The following ARHGEF40 variants were observed in gnomAD, a reference collection of about 807,000 sequenced individuals.
ARHGEF40 encodes the protein Rho guanine nucleotide exchange factor (GEF) 40.
A neutral mutation model predicts 165.9 loss-of-function variants in ARHGEF40; 98 were observed. The ratio of observed to expected loss-of-function variants is 0.59; its 90% CI spans 0.50 to 0.70. The LOEUF (loss-of-function observed/expected upper bound fraction) is 0.70, where lower values mean the gene tolerates loss of function less well. ARHGEF40 is among the 30% of genes least tolerant of loss of function. The probability of loss-of-function intolerance (pLI) is 0.00; values close to 1 mark genes in which losing one functional copy is unlikely to be tolerated. For synonymous variants in ARHGEF40, 792 were observed against 814.3 expected (o/e 0.97, Z 0.47); for missense variants, 1,815 against 1,968.0 (o/e 0.92, Z 1.47).
chr14:21,083,822 GTCC>G lies in ARHGEF40; in HGVS notation c.3574-10_3574-8del. 6.2e-7 allele frequency: 1 copy of G among 1,609,030 alleles called. No homozygotes were observed. ...CACCCCTCCCCTCATCCCTGTCTGTGTCCTCAACCTAGGGCTCCATGGAGGCTG... is the reference window on the plus strand; with the variant it reads ...CACCCCTCCCCTCATCCCTGTCTGTGTCAACCTAGGGCTCCATGGAGGCTG... On this transcript the variant is annotated splice_polypyrimidine_tract_variant and intron_variant, in intron 16 of 23. Transcript: ENST00000298694.
chr14:21,063,672 G>T, the ARHGEF40 span, among the ~76,000 whole-genome samples: 1 of 152,200 alleles, frequency 6.6e-6, no homozygotes, highest in African/African-American at 2.4e-5. Flanking sequence ...TCTGCTGGGG[G>T]TCTGCCAATG....
chr14:21,074,442 C>T lies in ARHGEF40; in HGVS notation c.712C>T (p.Pro238Ser). 6.2e-7 allele frequency: 1 copy of T among 1,602,464 alleles called. No individual in the cohort carries two copies. Among genetic ancestry groups the T allele is most frequent in the Non-Finnish European group, 8.5e-7 (1 of 1,175,102 alleles). ...TGGGCACAATGCCCCTGTGGAAGGA[C>T]CTGAGGGCGAGTATGTGGAGCTGTT... ...GDGHNAPVEG[P>S]EGEYVELLEV... Residue 238 changes from proline (P) to serine (S), a missense_variant, in exon 3 of 24, where the codon CCT (proline) becomes TCT (serine). Coordinates refer to ENST00000298694, the MANE Select transcript of ARHGEF40 (RefSeq NM_018071.5). The surrounding 1 kb of genome is among the most constrained non-coding windows in gnomAD (Gnocchi z 4.8).
At chr14:21,087,211 A>C (rs993019620) in intron 20 of ARHGEF40, 106 bp downstream of exon 20, 1 of 1,577,702 alleles carries the variant, frequency 6.3e-7, no homozygotes, top group Non-Finnish European at 8.7e-7. Flanking sequence ...CTCGTCCCCA[A>C]ATCAGTGGGA....
chr14:21,081,281 C>T, intron 13 of ARHGEF40: 1 of 777,516 alleles, frequency 1.3e-6, no homozygotes, highest in Non-Finnish European at 2.0e-6. Flanking sequence ...GCCTGCCACT[C>T]ATAAATGTCG....
rs1477875069 is a variant in ARHGEF40, at chr14:21,070,417, GC to G, written c.3+23del. The G allele has an allele frequency of 3.5e-6, 5 of 1,413,632 alleles. No homozygotes were observed. Among genetic ancestry groups the G allele is most frequent in the Admixed American group, 3.3e-5 (1 of 30,138 alleles). The allele number at this position is 1,413,632 out of a possible 1,614,324, so 87.6% of individuals were successfully genotyped here. ...GAGCCATGGTGAGTCCAGCGTCGCA[GC>G]CCCCTGGGTCCCCTCGGCCTTCGCG... On this transcript the variant is annotated intron_variant, in intron 1 of 23. Transcript: ENST00000298694. The surrounding 1 kb of genome is among the most constrained non-coding windows in gnomAD (Gnocchi z 4.7).
chr14:21,070,149 C>CA (rs1463341347), upstream of ARHGEF40: 1 of 221,698 alleles, frequency 4.5e-6, no homozygotes, highest in Non-Finnish European at 8.7e-6. The surrounding 1 kb of genome is among the most constrained non-coding windows in gnomAD (Gnocchi z 4.7). Context: ...GCGCGGGAGA[C>CA]AGAGTCCCGG....
At chr14:21,071,211 C>T (rs188583967) in intron 1 of ARHGEF40, among the ~76,000 whole-genome samples, 3 of 152,204 alleles carry the variant, frequency 2.0e-5, no homozygotes, top group South Asian at 4.1e-4. Context: ...CTGGAGGGTA[C>T]GCTAAGGAGA....
chr14:21,088,540 G>A lies in ARHGEF40; in HGVS notation c.4519-290G>A, dbSNP rs375086014. Among the ~76,000 whole-genome samples, 318 of 151,636 alleles carry A rather than the reference G, an allele frequency of 2.1e-3. 1 individual carries two copies. Among genetic ancestry groups the A allele is most frequent in the African/African-American group, 7.2e-3 (296 of 41,320 alleles). ...CAAAAAAAAAAAAATTAAATTAGCC[G>A]GACTTTTGAGGGGTGCGCACCTATA... On this transcript the variant is annotated intron_variant, in intron 22 of 23. Transcript: ENST00000298694.
intron 21 of ARHGEF40, 144 bp downstream of exon 21, chr14:21,087,607 G>A (rs1331349590): frequency 3.3e-6 from 4 of 1,204,616 alleles, no homozygotes; most frequent in Non-Finnish European, 2.3e-6. Context: ...CGCTAAAAGA[G>A]CCTTCCATCT....
intron 20 of ARHGEF40, 62 bp downstream of exon 20, chr14:21,087,167 A>C: frequency 6.3e-7 from 1 of 1,592,968 alleles, no homozygotes; most frequent in Non-Finnish European, 8.6e-7. Flanking sequence ...TGAGGATACA[A>C]AGGGGAGGTA....
chr14:21,082,986 A>C, intron 16 of ARHGEF40, 69 bp downstream of exon 16: 5 of 1,405,148 alleles, frequency 3.6e-6, no homozygotes, highest in Non-Finnish European at 5.0e-6. Flanking sequence ...CACCCAACAA[A>C]TCCCTCAGGG....
At chr14:21,078,536 C>CA in intron 10 of ARHGEF40, 48 bp downstream of exon 10, 1 of 1,516,162 alleles carries the variant, frequency 6.6e-7, no homozygotes, top group Non-Finnish European at 8.9e-7. Context: ...GAGGTGGAGA[C>CA]ACAGCTGAAG....
At chr14:21,079,499 G>A (rs1021574302) in intron 11 of ARHGEF40, among the ~76,000 whole-genome samples, 1 of 152,164 alleles carries the variant, frequency 6.6e-6, no homozygotes, top group African/African-American at 2.4e-5. Context: ...AGGCTTCTTT[G>A]TGGGGAAGAT....
At chr14:21,067,606 T>A (rs1256763424), upstream of ARHGEF40, among the ~76,000 whole-genome samples, 1 of 152,214 alleles carries the variant, frequency 6.6e-6, no homozygotes, top group Admixed American at 6.5e-5. Flanking sequence ...CCAAAGAGTC[T>A]TAAATGGGTG....
In ARHGEF40 at chr14:21,075,812, C is replaced by A; in HGVS notation, c.1739+47C>A. On this transcript the variant is annotated intron_variant, in intron 5 of 23. Transcript: ENST00000298694. This position sits in a 1 kb window ranked among gnomAD's most constrained non-coding sequence, Gnocchi z 4.5. Reference sequence around the variant, plus strand: ...CACCCTGGACACTAACCTCCTGATTCATGAGGACCCTCACCTCCTTCTTCT... The same window carrying A: ...CACCCTGGACACTAACCTCCTGATTAATGAGGACCCTCACCTCCTTCTTCT... The A allele has an allele frequency of 6.3e-7, 1 of 1,589,734 alleles. No homozygotes were observed. The highest frequency in any genetic ancestry group is 8.6e-7 in the Non-Finnish European group (1 of 1,166,312).
intron 11 of ARHGEF40, among the ~76,000 whole-genome samples, chr14:21,079,402 T>C (rs1273967184): frequency 1.3e-5 from 2 of 152,136 alleles, no homozygotes; most frequent in Admixed American, 1.3e-4. Flanking sequence ...CCTTATGCGA[T>C]GTCATCCCTC....
upstream of ARHGEF40, among the ~76,000 whole-genome samples, chr14:21,067,761 TAC>T (rs3061993): frequency 0.014 from 2,175 of 150,024 alleles, 21 homozygotes; most frequent in African/African-American, 0.034. Flanking sequence ...TGTACACACG[TAC>T]ACACACACAC....
At position 21,081,820 on chromosome 14, in the gene ARHGEF40, C is replaced by A; in HGVS notation, c.2952C>A (p.Ser984Arg). 1 of 1,606,242 alleles carries A rather than the reference C, an allele frequency of 6.2e-7. No homozygotes were observed. Among genetic ancestry groups the A allele is most frequent in the Middle Eastern group, 1.8e-4 (1 of 5,634 alleles). ...GAGGGGCCCAGTGGGGGCCCCGCAG[C>A]CCCTCGCCCAGCCTCAGCTCCTTGC... Reference protein sequence around the residue: ...SSGGAQWGPRSPSPSLSSLLL... With the variant: ...SSGGAQWGPRRPSPSLSSLLL... Residue 984 changes from serine (S) to arginine (R), a missense_variant, in exon 14 of 24, where the codon AGC (serine) becomes AGA (arginine). Ser to Arg is a moderately radical substitution (Grantham distance 110). Transcript: ENST00000298694.
chr14:21,083,707 T>C (rs2274680), intron 16 of ARHGEF40, 128 bp from the exon 17 acceptor site: 36,107 of 816,498 alleles, frequency 0.044, 1,023 homozygotes, highest in African/African-American at 0.1. Flanking sequence ...TTTGCCTTAC[T>C]TTAGGGAGCA....
Sources: allele counts gnomAD v4.1 joint callset (sites outside exome capture counted in the v4.1 genomes callset), GRCh38; gene constraint gnomAD v4.1.1; non-coding constraint Gnocchi (gnomAD v3.1); transcripts MANE v1.5; gene names NCBI Gene and HGNC (gene_info 2026-07-23, HGNC 2026-07-21).